The following KAZN variants were observed in gnomAD, a reference collection of about 807,000 sequenced individuals.
KAZN encodes kazrin.
Under a neutral mutation model 87.4 loss-of-function variants are expected in KAZN, and 40 were observed. The ratio of observed to expected loss-of-function variants is 0.46; its 90% CI spans 0.36 to 0.60. The LOEUF is 0.60. KAZN is among the 20% of genes least tolerant of loss of function. The pLI, the probability that KAZN is intolerant of heterozygous loss-of-function variation, is 0.00. For missense variants in KAZN, 898 were observed against 1,073.9 expected (o/e 0.84, Z 2.29); for synonymous variants, 466 against 458.3 (o/e 1.02, Z -0.22).
chr1:14,995,109 A>G (rs10803336), intron 2 of KAZN, among the ~76,000 whole-genome samples: 79,470 of 152,160 alleles, frequency 0.52, 21,958 homozygotes, highest in African/African-American at 0.7. Flanking sequence ...CCCTGGAGGA[A>G]GAGGGGAGCT....
intron 1 of KAZN, among the ~76,000 whole-genome samples, chr1:14,043,214 A>C: frequency 6.6e-6 from 1 of 152,164 alleles, no homozygotes; most frequent in East Asian, 1.9e-4. Context: ...AACGTCTTTA[A>C]GGTTCATCTG....
intron 1 of KAZN, among the ~76,000 whole-genome samples, chr1:14,038,567 T>C (rs568835610): frequency 6.6e-6 from 1 of 152,220 alleles, no homozygotes; most frequent in East Asian, 1.9e-4. Flanking sequence ...AGGACTGCAA[T>C]TGGGTCATGA....
chr1:14,630,000 T>A (rs1679447988), intron 1 of KAZN, among the ~76,000 whole-genome samples: 1 of 151,608 alleles, frequency 6.6e-6, no homozygotes, highest in African/African-American at 2.4e-5. Flanking sequence ...AAATACATAT[T>A]TCTGCTAGGG....
At chr1:14,864,563 A>C (rs1425494438) in intron 1 of KAZN, among the ~76,000 whole-genome samples, 1 of 152,172 alleles carries the variant, frequency 6.6e-6, no homozygotes, top group African/African-American at 2.4e-5. Flanking sequence ...CTCAGTCTCT[A>C]AAAGAAAAAA....
At chr1:14,574,498 G>A (rs1430252752) in intron 2 of KAZN, among the ~76,000 whole-genome samples, 1 of 152,144 alleles carries the variant, frequency 6.6e-6, no homozygotes, top group Non-Finnish European at 1.5e-5. Flanking sequence ...TTTTATAAGG[G>A]GAAACCCCTT....
intron 2 of KAZN, among the ~76,000 whole-genome samples, chr1:14,419,769 T>G (rs904912713): frequency 6.6e-6 from 1 of 151,946 alleles, no homozygotes; most frequent in South Asian, 2.1e-4. Context: ...TCTGGTGTTG[T>G]TTGTCCCTCC....
chr1:14,639,214 C>G (rs768812020), intron 1 of KAZN, among the ~76,000 whole-genome samples: 2 of 152,162 alleles, frequency 1.3e-5, no homozygotes, highest in Non-Finnish European at 2.9e-5. Context: ...GTCCAGCAGA[C>G]AGAAGCCAGA....
chr1:14,940,652 AC>A (rs552771801), intron 1 of KAZN, among the ~76,000 whole-genome samples: 1,531 of 152,274 alleles, frequency 0.01, 15 homozygotes, highest in Non-Finnish European at 0.015. Flanking sequence ...TGGAGCCTGT[AC>A]CTTCTCTTGC....
intron 2 of KAZN, among the ~76,000 whole-genome samples, chr1:14,227,143 TATGACAACCTCAA>T (rs1195087275): frequency 3.3e-5 from 5 of 152,160 alleles, no homozygotes; most frequent in Non-Finnish European, 5.9e-5. Flanking sequence ...TCTTTGTGAG[TATGACAACCTCAA>T]ATACAGATTG....
At chr1:14,648,689 C>T (rs992019271) in intron 1 of KAZN, among the ~76,000 whole-genome samples, 4 of 152,154 alleles carry the variant, frequency 2.6e-5, no homozygotes, top group African/African-American at 9.7e-5. Context: ...AGAACCTTTG[C>T]TTCAAGGGGT....
chr1:15,086,029 G>A (rs1369955718), intron 8 of KAZN, among the ~76,000 whole-genome samples: 2 of 152,090 alleles, frequency 1.3e-5, no homozygotes, highest in African/African-American at 4.8e-5. Flanking sequence ...GGAGTGCAGT[G>A]GTGCGATCTC....
At chr1:14,404,895 C>T (rs1217210294) in intron 2 of KAZN, among the ~76,000 whole-genome samples, 1 of 152,224 alleles carries the variant, frequency 6.6e-6, no homozygotes, top group African/African-American at 2.4e-5. Flanking sequence ...TAACACCTGG[C>T]ATTCTGTCAC....
At chr1:14,289,815 G>A (rs953043016) in intron 2 of KAZN, among the ~76,000 whole-genome samples, 2 of 152,192 alleles carry the variant, frequency 1.3e-5, no homozygotes, top group Non-Finnish European at 2.9e-5. Context: ...GCAGTGGCTG[G>A]TACCAGTTGT....
At chr1:14,409,295 G>T (rs968525409) in intron 2 of KAZN, among the ~76,000 whole-genome samples, 15 of 152,156 alleles carry the variant, frequency 9.9e-5, no homozygotes, top group African/African-American at 3.6e-4. Flanking sequence ...GAAAGGTACA[G>T]AGATTGATGT....
chr1:14,124,918 C>T (rs1644831462), intron 1 of KAZN, among the ~76,000 whole-genome samples: 2 of 152,144 alleles, frequency 1.3e-5, no homozygotes, highest in Non-Finnish European at 2.9e-5. Context: ...GAGAGGGAGA[C>T]ACAGCAAACA....
chr1:14,934,721 C>T (rs556571415), intron 1 of KAZN, among the ~76,000 whole-genome samples: 1 of 152,362 alleles, frequency 6.6e-6, no homozygotes, highest in African/African-American at 2.4e-5. Context: ...ACTGGGTGTG[C>T]CCCATCAGGG....
intron 1 of KAZN, among the ~76,000 whole-genome samples, chr1:14,901,823 G>T (rs1280133012): frequency 1.3e-5 from 2 of 152,158 alleles, no homozygotes; most frequent in African/African-American, 4.8e-5. Context: ...GGCGGCCAGG[G>T]TTCCGCCTCT....
intron 1 of KAZN, chr1:14,945,849 T>C (rs1661708651): frequency 1.0e-6 from 1 of 985,180 alleles, no homozygotes; most frequent in African/African-American, 1.7e-5. Context: ...CCGGAAGACT[T>C]GGGCAGCCTG....
intron 1 of KAZN, among the ~76,000 whole-genome samples, chr1:14,816,828 GGATA>G (rs1306360306): frequency 2.6e-5 from 4 of 152,114 alleles, no homozygotes; most frequent in African/African-American, 9.7e-5. Context: ...ATGAATGGAT[GGATA>G]GATGATTGAT....
Sources: gnomAD v4.1 joint callset for allele counts (sites outside exome capture counted in the v4.1 genomes callset) on GRCh38, gnomAD v4.1.1 for gene constraint, MANE v1.5 for transcripts, NCBI Gene and HGNC (gene_info 2026-07-23, HGNC 2026-07-21) for gene names.